Variants in LCA5 observed in about 807,000 individuals in gnomAD.
LCA5 encodes lebercilin LCA5.
LCA5 carries 37 observed loss-of-function variants against 53.0 expected under a neutral mutation model. The ratio of observed to expected loss-of-function variants is 0.70; its 90% CI spans 0.54 to 0.92. The LOEUF (loss-of-function observed/expected upper bound fraction) is 0.92. Ranked by LOEUF, LCA5 falls within the 40% of genes least tolerant of loss-of-function variation. The probability of loss-of-function intolerance (pLI) is 0.00; values close to 1 mark genes in which losing one functional copy is unlikely to be tolerated. For synonymous variants in LCA5, 303 were observed against 282.9 expected (o/e 1.07, Z -0.71); for missense variants, 806 against 790.5 (o/e 1.02, Z -0.23).
At chr6:79,522,561 G>A (rs1047905714) in intron 1 of LCA5, among the ~76,000 whole-genome samples, 14 of 152,156 alleles carry the variant, frequency 9.2e-5, no homozygotes, top group Middle Eastern at 3.4e-3. Context: ...CAAGAGAGAG[G>A]AGAGAAGAGG....
Position 79,486,214 on chromosome 6 carries a change from TTGGCATGAAATC to T in LCA5, c.*778_*789del, listed in dbSNP as rs1165600968. The T allele has an allele frequency of 6.6e-6, 1 of 152,208 alleles. No individual in the cohort carries two copies. The highest frequency in any genetic ancestry group is 1.5e-5 in the Non-Finnish European group (1 of 68,044). 9.4% of individuals were successfully genotyped at this position (152,208 alleles called of 1,614,324 possible). A position where few individuals can be genotyped will look rare whatever the true frequency, so the allele number is the denominator to read the frequency against. ...TATGTATTTCCACTATTCCTTGCAT[TTGGCATGAAATC>T]TTACACCCAGTCACTGAGATACAAA... is the stretch of plus-strand genomic sequence containing the variant. On this transcript the variant is annotated 3_prime_UTR_variant, in exon 8 of 8. Coordinates refer to ENST00000369846, the MANE Select transcript of LCA5 (RefSeq NM_001122769.3).
chr6:79,487,189 G>T lies in LCA5; in HGVS notation c.1909C>A (p.Leu637Ile), dbSNP rs747812671. The T allele has an allele frequency of 6.2e-7, 1 of 1,613,912 alleles. No individual in the cohort carries two copies. The highest frequency in any genetic ancestry group is 1.3e-5 in the African/African-American group (1 of 74,904). The change falls in exon 8 of 8, where the codon CTA becomes ATA. Residue 637 changes from leucine to isoleucine, a missense_variant. By Grantham distance (5) the Leu-to-Ile change is conservative. Transcript: ENST00000369846. ...VASSKGDIDP[L>I]NFLPGNKGSR... Reference sequence around the variant, plus strand: ...CCTTTATTCCCAGGGAGAAAATTTAGAGGGTCAATGTCTCCTTTACTGGAA... The same window carrying T: ...CCTTTATTCCCAGGGAGAAAATTTATAGGGTCAATGTCTCCTTTACTGGAA...
chr6:79,533,120 A>C (rs1299737194), intron 1 of LCA5, among the ~76,000 whole-genome samples: 4 of 152,176 alleles, frequency 2.6e-5, no homozygotes, highest in African/African-American at 9.7e-5. Context: ...ATAACTGAGA[A>C]CCTAATAAGG....
chr6:79,533,635 CA>C (rs200414903), intron 1 of LCA5, among the ~76,000 whole-genome samples: 3,894 of 132,890 alleles, frequency 0.029, 59 homozygotes, highest in Middle Eastern at 0.079. Flanking sequence ...CATAACAGGT[CA>C]AAAAAAAAAA....
intron 2 of LCA5, among the ~76,000 whole-genome samples, chr6:79,517,224 C>G (rs774564763): frequency 6.6e-6 from 1 of 151,940 alleles, no homozygotes; most frequent in Non-Finnish European, 1.5e-5. Context: ...GAAAACGGTA[C>G]AAGTCAAATT....
In LCA5 at chr6:79,487,324, C is replaced by T. The variant is rs777518555; in HGVS notation, c.1774G>A (p.Val592Ile). The stretch of plus-strand genomic sequence containing the variant: ...TTCTCTTTTCTTGTAATTAAATCTA[C>T]ACCATCTTTACTAAGTTTTTCCATA... ...NSMEKLSKDG[V>I]DLITRKEKKA... Residue 592 changes from valine to isoleucine, a missense_variant, in exon 8 of 8, where the codon GTA (valine) becomes ATA (isoleucine). Transcript: ENST00000369846. 16 of 1,613,874 alleles carry T rather than the reference C, an allele frequency of 9.9e-6. No individual in the cohort carries two copies. The highest frequency in any genetic ancestry group is 1.2e-5 in the Non-Finnish European group (14 of 1,179,880).
chr6:79,536,971 T>G (rs1767155687), intron 1 of LCA5, 194 bp downstream of exon 1: 1 of 152,502 alleles, frequency 6.6e-6, no homozygotes, highest in Non-Finnish European at 1.5e-5. Flanking sequence ...TCTTTACTCA[T>G]TTTCCTAGGT....
At chr6:79,516,640 ATT>A (rs1766446339) in intron 2 of LCA5, among the ~76,000 whole-genome samples, 2 of 151,984 alleles carry the variant, frequency 1.3e-5, no homozygotes, top group Middle Eastern at 6.8e-3. Flanking sequence ...CTACCTTTTT[ATT>A]TTCATTTATA....
upstream of LCA5, among the ~76,000 whole-genome samples, chr6:79,538,352 C>T (rs938009425): frequency 2.0e-5 from 3 of 152,242 alleles, no homozygotes; most frequent in South Asian, 6.2e-4. Context: ...TCCTGCTTCT[C>T]GCTCAACCTC....
At chr6:79,518,612 T>C in intron 2 of LCA5, 93 bp downstream of exon 2, 1 of 1,139,632 alleles carries the variant, frequency 8.8e-7, no homozygotes. Context: ...CAACAACATA[T>C]ATACTAATAA....
intron 1 of LCA5, among the ~76,000 whole-genome samples, chr6:79,531,764 A>T (rs1222059353): frequency 6.6e-6 from 1 of 151,996 alleles, no homozygotes; most frequent in Non-Finnish European, 1.5e-5. Flanking sequence ...TTGCTTTTCC[A>T]TAGTGATCTA....
chr6:79,505,544 T>C (rs981954204), intron 3 of LCA5, among the ~76,000 whole-genome samples: 1 of 152,212 alleles, frequency 6.6e-6, no homozygotes, highest in African/African-American at 2.4e-5. Flanking sequence ...CAGAACGGAA[T>C]GTCACCTCAG....
intron 1 of LCA5, among the ~76,000 whole-genome samples, chr6:79,532,861 C>A (rs1766998906): frequency 6.6e-6 from 1 of 152,062 alleles, no homozygotes; most frequent in Non-Finnish European, 1.5e-5. Context: ...GTAAACACAC[C>A]ACCCACCATT....
intron 1 of LCA5, among the ~76,000 whole-genome samples, chr6:79,532,679 G>T (rs1339443066): frequency 6.6e-6 from 1 of 152,008 alleles, no homozygotes; most frequent in African/African-American, 2.4e-5. Flanking sequence ...CTCAAAAATG[G>T]CTCCCTGACA....
At chr6:79,502,469 G>C (rs1770167368) in intron 3 of LCA5, among the ~76,000 whole-genome samples, 1 of 151,998 alleles carries the variant, frequency 6.6e-6, no homozygotes, top group African/African-American at 2.4e-5. Context: ...TCCTTACCCT[G>C]AGCTTTTGTC....
At position 79,518,732 on chromosome 6, in the gene LCA5, T is replaced by G. The variant is rs1191192462; in HGVS notation, c.163A>C (p.Thr55Pro). Residue 55 changes from threonine to proline, a missense_variant, in exon 2 of 8, where the codon ACT (threonine) becomes CCT (proline). Thr to Pro is a conservative substitution (Grantham distance 38). Coordinates refer to ENST00000369846, the MANE Select transcript of LCA5 (RefSeq NM_001122769.3). ...SVRRKNPKRQ[T>P]SDGQVHHQAP... ...TGGTGATGTACTTGGCCATCTGAAGTTTGTCTTTTAGGATTTTTTCTCCTA... is the reference window on the plus strand; with the variant it reads ...TGGTGATGTACTTGGCCATCTGAAGGTTGTCTTTTAGGATTTTTTCTCCTA... 8 of 1,614,070 alleles carry G rather than the reference T, an allele frequency of 5.0e-6. No individual in the cohort carries two copies. Among genetic ancestry groups the G allele is most frequent in the Non-Finnish European group, 6.8e-6 (8 of 1,179,996 alleles).
At chr6:79,489,004 G>A (rs1582613033) in intron 7 of LCA5, 80 bp downstream of exon 7, 7 of 1,502,544 alleles carry the variant, frequency 4.7e-6, no homozygotes, top group Non-Finnish European at 6.4e-6. Context: ...AGTTAAGCTG[G>A]AAGATATTAG....
At position 79,487,130 on chromosome 6, in the gene LCA5, GC is replaced by G. The variant is rs1769684032; in HGVS notation, c.1967del (p.Gly656AlafsTer17). 1.9e-6 allele frequency: 3 copies of G among 1,613,890 alleles called. No homozygotes were observed. Among genetic ancestry groups the G allele is most frequent in the Middle Eastern group, 1.6e-4 (1 of 6,062 alleles). ...SRDQEHDEDE[G>X]FFLSEGRSFN... ...AACTTCTTCCTTCACTGAGGAAAAAGCCTTCATCTTCATCATGTTCTTGATC... is the reference window on the plus strand; with the variant it reads ...AACTTCTTCCTTCACTGAGGAAAAAGCTTCATCTTCATCATGTTCTTGATC... On this transcript the variant is annotated frameshift_variant, in exon 8 of 8. Transcript: ENST00000369846. LOFTEE classifies it high-confidence loss of function.
intron 1 of LCA5, among the ~76,000 whole-genome samples, chr6:79,525,979 G>A (rs1217387201): frequency 6.6e-6 from 1 of 152,166 alleles, no homozygotes; most frequent in African/African-American, 2.4e-5. Flanking sequence ...AGGAATTATG[G>A]GTGTATAGGG....
Sources: gnomAD v4.1 joint callset for allele counts (sites outside exome capture counted in the v4.1 genomes callset) on GRCh38, gnomAD v4.1.1 for gene constraint, MANE v1.5 for transcripts, NCBI Gene and HGNC (gene_info 2026-07-23, HGNC 2026-07-21) for gene names.